MCUB: variants seen among roughly 807,000 people sequenced by gnomAD.
MCUB encodes the protein mitochondrial calcium uniporter dominant negative subunit beta, also known as calcium uniporter regulatory subunit MCUb, mitochondrial.
Under a neutral mutation model 41.4 loss-of-function variants are expected in MCUB, and 46 were observed. The observed-to-expected ratio is 1.11, with a 90% confidence interval of 0.88 to 1.42. MCUB has a LOEUF of 1.42. Among genes scored for constraint, MCUB ranks in the 40% most tolerant of loss-of-function variants. MCUB has a pLI of 0.00. For missense variants in MCUB, 403 were observed against 404.9 expected (o/e 1.00, Z 0.04); for synonymous variants, 148 against 148.2 (o/e 1.00, Z 0.01).
intron 1 of MCUB, among the ~76,000 whole-genome samples, chr4:109,647,113 C>T: frequency 6.6e-6 from 1 of 152,198 alleles, no homozygotes; most frequent in East Asian, 1.9e-4. Context: ...ACCTCCACTT[C>T]CTCAGCCTCT....
intron 1 of MCUB, among the ~76,000 whole-genome samples, chr4:109,614,443 A>G (rs554435197): frequency 3.3e-5 from 5 of 151,926 alleles, no homozygotes; most frequent in Non-Finnish European, 5.9e-5. Flanking sequence ...AAGAAGAAAC[A>G]GGGCAGAGTT....
At chr4:109,681,796 C>T (rs368037128) in intron 4 of MCUB, among the ~76,000 whole-genome samples, 6 of 152,280 alleles carry the variant, frequency 3.9e-5, no homozygotes, top group Admixed American at 1.3e-4. Context: ...GAGTCTGCTA[C>T]GGCGGCAAAA....
intron 1 of MCUB, among the ~76,000 whole-genome samples, chr4:109,658,094 C>T (rs1056253673): frequency 6.6e-6 from 1 of 152,164 alleles, no homozygotes; most frequent in African/African-American, 2.4e-5. Context: ...TCCCATAGTG[C>T]TAGGATTACA....
chr4:109,683,802 A>G (rs1729770158), intron 5 of MCUB, among the ~76,000 whole-genome samples: 1 of 152,244 alleles, frequency 6.6e-6, no homozygotes, highest in African/African-American at 2.4e-5. Context: ...TTCAGAATGA[A>G]TTCCTAGAAG....
chr4:109,612,854 C>T lies in MCUB; in HGVS notation c.100-46157C>T, dbSNP rs940934042. ...GGGTGCGGTGTCTCACGCCTGTAAT[C>T]CCAGCACTTTGGGAGGCCAAGGCGG... On this transcript the variant is annotated intron_variant, in intron 1 of 7. Coordinates refer to ENST00000394650, the MANE Select transcript of MCUB (RefSeq NM_017918.5). Among the ~76,000 whole-genome samples, 13 of 152,240 alleles carry T rather than the reference C, an allele frequency of 8.5e-5. No homozygotes were observed. The East Asian group carries it at 9.7e-4, about 11-fold the overall frequency.
At chr4:109,586,625 A>G (rs1184661071) in intron 1 of MCUB, among the ~76,000 whole-genome samples, 1 of 152,192 alleles carries the variant, frequency 6.6e-6, no homozygotes, top group African/African-American at 2.4e-5. Flanking sequence ...GGTGACCTAC[A>G]GATGGGGTTT....
intron 1 of MCUB, among the ~76,000 whole-genome samples, chr4:109,594,106 A>G (rs151288045): frequency 2.0e-4 from 30 of 152,330 alleles, no homozygotes; most frequent in South Asian, 6.2e-4. Context: ...GTATAGCTCA[A>G]TGCTTCCATG....
intron 1 of MCUB, among the ~76,000 whole-genome samples, chr4:109,615,930 CAGTG>C (rs1450506324): frequency 6.6e-6 from 1 of 152,150 alleles, no homozygotes; most frequent in Non-Finnish European, 1.5e-5. Context: ...TGCTGGCGAT[CAGTG>C]AGTGACAGGT....
At chr4:109,613,528 T>C (rs550503685) in intron 1 of MCUB, among the ~76,000 whole-genome samples, 1 of 152,330 alleles carries the variant, frequency 6.6e-6, no homozygotes, top group East Asian at 1.9e-4. Flanking sequence ...TCACTTCCAC[T>C]TGGTCCTCTT....
At position 109,626,907 on chromosome 4, in the gene MCUB, G is replaced by A. The variant is rs542895432; in HGVS notation, c.100-32104G>A. ...GTAAACAACTTGAGGAGCATTAGCT[G>A]CATTTTGTCACATTATAATTAAAAC... On this transcript the variant is annotated intron_variant, in intron 1 of 7. Transcript: ENST00000394650. Among the ~76,000 whole-genome samples the A allele has an allele frequency of 3.3e-5, 5 of 151,008 alleles. No individual in the cohort carries two copies. In the South Asian group the frequency reaches 8.4e-4, roughly 25 times the overall value.
intron 1 of MCUB, among the ~76,000 whole-genome samples, chr4:109,647,776 C>T (rs1437733535): frequency 6.6e-6 from 1 of 152,084 alleles, no homozygotes; most frequent in Admixed American, 6.6e-5. Flanking sequence ...GTTAGGAGCC[C>T]CCACCCTTTT....
intron 1 of MCUB, among the ~76,000 whole-genome samples, chr4:109,610,789 A>C (rs1158524916): frequency 6.6e-6 from 1 of 152,168 alleles, no homozygotes; most frequent in Non-Finnish European, 1.5e-5. Context: ...CCTACACTAC[A>C]AACCTATACA....
intron 1 of MCUB, among the ~76,000 whole-genome samples, chr4:109,569,159 G>A (rs1726850440): frequency 6.6e-6 from 1 of 151,912 alleles, no homozygotes; most frequent in East Asian, 1.9e-4. Flanking sequence ...CCATTCTCCT[G>A]CCTCAGCCTC....
intron 1 of MCUB, among the ~76,000 whole-genome samples, chr4:109,636,234 C>T (rs1238786642): frequency 2.0e-5 from 3 of 152,114 alleles, no homozygotes; most frequent in Admixed American, 6.5e-5. Context: ...TCTAAAACAT[C>T]GGAGATTGTA....
intron 1 of MCUB, among the ~76,000 whole-genome samples, chr4:109,629,371 C>T (rs1383775153): frequency 6.6e-6 from 1 of 152,122 alleles, no homozygotes; most frequent in Non-Finnish European, 1.5e-5. Context: ...GTCTTAACAA[C>T]AATCAACACA....
intron 1 of MCUB, among the ~76,000 whole-genome samples, chr4:109,643,214 G>A (rs901735013): frequency 4.0e-5 from 6 of 151,802 alleles, no homozygotes; most frequent in Admixed American, 1.3e-4. Flanking sequence ...TTGAGATGGA[G>A]TTTCCCTGTC....
intron 1 of MCUB, among the ~76,000 whole-genome samples, chr4:109,658,244 A>G (rs1382495280): frequency 6.6e-6 from 1 of 151,996 alleles, no homozygotes; most frequent in Non-Finnish European, 1.5e-5. Flanking sequence ...TCTTCTGAGG[A>G]TCTTGTTAAA....
chr4:109,648,065 A>G (rs1728876498), intron 1 of MCUB, among the ~76,000 whole-genome samples: 2 of 152,238 alleles, frequency 1.3e-5, no homozygotes, highest in African/African-American at 4.8e-5. Flanking sequence ...AAGTTTATTA[A>G]TTATAAATAA....
chr4:109,642,803 T>A (rs902161513), intron 1 of MCUB, among the ~76,000 whole-genome samples: 3 of 152,138 alleles, frequency 2.0e-5, no homozygotes, highest in Admixed American at 6.5e-5. Context: ...ATTTTTTTTT[T>A]AACTGTTCTT....
Sources: allele counts gnomAD v4.1 joint callset (sites outside exome capture counted in the v4.1 genomes callset), GRCh38; gene constraint gnomAD v4.1.1; transcripts MANE v1.5; gene names NCBI Gene and HGNC (gene_info 2026-07-23, HGNC 2026-07-21).